The following GXYLT1 variants were observed in gnomAD, a reference collection of about 807,000 sequenced individuals.
GXYLT1 encodes the protein glycosyltransferase 8 domain containing 3.
A neutral mutation model predicts 54.0 loss-of-function variants in GXYLT1; 29 were observed. That is an observed-to-expected ratio of 0.54 (90% CI 0.40 to 0.73). The LOEUF is 0.73. Ranked by LOEUF, GXYLT1 falls within the 30% of genes least tolerant of loss-of-function variation. The pLI, the probability that GXYLT1 is intolerant of heterozygous loss-of-function variation, is 0.00. For missense variants in GXYLT1, 490 were observed against 553.4 expected, an observed-to-expected ratio of 0.89 and a Z score of 1.15; for synonymous variants, 176 against 204.1, an observed-to-expected ratio of 0.86 and a Z score of 1.17.
At chr12:42,137,993 C>T (rs578250757) in intron 1 of GXYLT1, among the ~76,000 whole-genome samples, 2 of 152,238 alleles carry the variant, frequency 1.3e-5, no homozygotes, top group South Asian at 2.1e-4. Context: ...CCAAGTCGGG[C>T]GCAGTGGCTC....
rs1222261180 is a variant in GXYLT1, at chr12:42,097,920, A to C, written c.978T>G (p.Phe326Leu). 1 of 1,587,282 alleles carries C rather than the reference A, an allele frequency of 6.3e-7. No homozygotes were observed. The highest frequency in any genetic ancestry group is 1.2e-5 in the South Asian group (1 of 86,504). The change falls in exon 6 of 8, where the codon TTT becomes TTG. Residue 326 changes from phenylalanine (F) to leucine (L), a missense_variant. Phe to Leu is a conservative substitution (Grantham distance 22, BLOSUM62 0). Coordinates refer to ENST00000398675, the MANE Select transcript of GXYLT1 (RefSeq NM_173601.2). ...AATTTAAATAATTACCTGGATTATG[A>C]AAAAACACGATATTCAATAGATCTT... is the stretch of plus-strand genomic sequence containing the variant. ...GDQDLLNIVF[F>L]HNPESLFVFP...
At chr12:42,089,477 AAAGT>A (rs1423357863) in intron 7 of GXYLT1, among the ~76,000 whole-genome samples, 1 of 152,202 alleles carries the variant, frequency 6.6e-6, no homozygotes, top group Non-Finnish European at 1.5e-5. Flanking sequence ...CCTAGAACTT[AAAGT>A]ATAATAAAAT....
intron 2 of GXYLT1, among the ~76,000 whole-genome samples, chr12:42,123,774 AAAT>A (rs1201136444): frequency 3.3e-5 from 5 of 152,124 alleles, no homozygotes; most frequent in African/African-American, 1.2e-4. Flanking sequence ...ATTAAATTTC[AAAT>A]AACCATCTAC....
Position 42,087,931 on chromosome 12 carries a change from T to G in GXYLT1, c.1178A>C (p.Asp393Ala). ...AGGTTTTAATAAGGAACGGATGTTG[T>G]CATCTTCAAAAGAACACTAGAGAAA... is the stretch of plus-strand genomic sequence containing the variant. ...EALRNCSFED[D>A]NIRSLLKPLE... Residue 393 changes from aspartate to alanine, a missense_variant, in exon 8 of 8, where the codon GAC becomes GCC. Around this residue, in one of 2 missense-constraint regions of GXYLT1, gnomAD observed 342 missense variants for 342.6 expected, o/e 1.00. Transcript: ENST00000398675. 1 of 1,534,976 alleles carries G rather than the reference T, an allele frequency of 6.5e-7. No individual in the cohort carries two copies. The highest frequency in any genetic ancestry group is 1.3e-5 in the South Asian group (1 of 79,982).
At chr12:42,136,571 T>G (rs936460906) in intron 1 of GXYLT1, among the ~76,000 whole-genome samples, 6 of 152,156 alleles carry the variant, frequency 3.9e-5, no homozygotes, top group African/African-American at 1.4e-4. Context: ...TAGCTCTAGG[T>G]AGCTTGTCTA....
chr12:42,083,076 A>G lies in GXYLT1; in HGVS notation c.*4710T>C, dbSNP rs1312578699. Reference sequence around the variant, plus strand: ...AGGTGATAATAAATATTTTCTATTTAAGTCTGACATTGATTTGCAATCCAT... The same window carrying G: ...AGGTGATAATAAATATTTTCTATTTGAGTCTGACATTGATTTGCAATCCAT... On this transcript the variant is annotated 3_prime_UTR_variant, in exon 8 of 8. Transcript: ENST00000398675. The G allele has an allele frequency of 1.3e-5, 2 of 152,222 alleles. No individual in the cohort carries two copies. Among genetic ancestry groups the G allele is most frequent in the African/African-American group, 4.8e-5 (2 of 41,458 alleles). The allele number at this position is 152,222 out of a possible 1,614,324, so 9.4% of individuals were successfully genotyped here.
At chr12:42,090,405 C>T (rs1197172793) in intron 7 of GXYLT1, among the ~76,000 whole-genome samples, 1 of 152,142 alleles carries the variant, frequency 6.6e-6, no homozygotes, top group Non-Finnish European at 1.5e-5. Context: ...ATATACTATG[C>T]CTGACTTATC....
chr12:42,097,835 A>C, intron 6 of GXYLT1, 75 bp downstream of exon 6: 2 of 1,146,814 alleles, frequency 1.7e-6, no homozygotes, highest in Middle Eastern at 2.0e-4. Flanking sequence ...GAATCAGATA[A>C]GTGCATGTTT....
chr12:42,120,756 G>C (rs527644861), intron 2 of GXYLT1, among the ~76,000 whole-genome samples: 4 of 152,016 alleles, frequency 2.6e-5, no homozygotes, highest in South Asian at 4.2e-4. Flanking sequence ...GGCTAGTCTC[G>C]AACTCCTGGC....
chr12:42,131,192 T>C (rs1210756907), intron 1 of GXYLT1, among the ~76,000 whole-genome samples: 2 of 152,196 alleles, frequency 1.3e-5, no homozygotes, highest in Admixed American at 6.5e-5. Flanking sequence ...TTCAAAATAA[T>C]AGTCTAAAAG....
rs566665250 is a variant in GXYLT1 at position 42,114,855 on chromosome 12, G to C, written c.486+4145C>G. Among the ~76,000 whole-genome samples the C allele has an allele frequency of 3.9e-3, 590 of 151,884 alleles. 10 individuals are homozygous for C. Among genetic ancestry groups the C allele is most frequent in the African/African-American group, 0.014 (574 of 41,526 alleles). On this transcript the variant is annotated intron_variant, in intron 3 of 7. Coordinates refer to ENST00000398675, the MANE Select transcript of GXYLT1 (RefSeq NM_173601.2). ...AAGAGAATTTTAGACCAATATCCTT[G>C]ATGAACATCGATGCAAAAATCCTCA...
chr12:42,118,261 C>T (rs768679549), intron 3 of GXYLT1, among the ~76,000 whole-genome samples: 21 of 152,270 alleles, frequency 1.4e-4, no homozygotes, highest in African/African-American at 4.8e-4. Context: ...ATCAAGAATT[C>T]TCTCCTCTCA....
chr12:42,087,723 A>C lies in GXYLT1; in HGVS notation c.*63T>G, dbSNP rs1437248980. ...CTTCCTGAATACTTCATCCAAGACG[A>C]TTCCTTCACACTTATCTTCTGATTC... is the stretch of plus-strand genomic sequence containing the variant. On this transcript the variant is annotated 3_prime_UTR_variant, in exon 8 of 8. Transcript: ENST00000398675. 1.7e-6 allele frequency: 2 copies of C among 1,210,384 alleles called. No homozygotes were observed. Among genetic ancestry groups the C allele is most frequent in the Non-Finnish European group, 2.3e-6 (2 of 867,956 alleles). The allele number at this position is 1,210,384 out of a possible 1,614,324, so 75.0% of individuals were successfully genotyped here. A position where few individuals can be genotyped will look rare whatever the true frequency, so the allele number is the denominator to read the frequency against.
chr12:42,138,490 A>G (rs751144899), intron 1 of GXYLT1, among the ~76,000 whole-genome samples: 2 of 151,912 alleles, frequency 1.3e-5, no homozygotes. Context: ...TACCTCCTCT[A>G]CCAGCCCCCA....
At chr12:42,090,176 T>C (rs1397738935) in intron 7 of GXYLT1, among the ~76,000 whole-genome samples, 1 of 152,122 alleles carries the variant, frequency 6.6e-6, no homozygotes, top group African/African-American at 2.4e-5. Context: ...TAGTTAGACC[T>C]CTTTCTGCCC....
At chr12:42,132,636 C>T (rs1027538904) in intron 1 of GXYLT1, among the ~76,000 whole-genome samples, 2 of 152,140 alleles carry the variant, frequency 1.3e-5, no homozygotes, top group South Asian at 2.1e-4. Flanking sequence ...ACTTGATCTT[C>T]GTTAGTCTCA....
At chr12:42,100,707 T>C (rs531947521) in intron 5 of GXYLT1, among the ~76,000 whole-genome samples, 4 of 152,138 alleles carry the variant, frequency 2.6e-5, no homozygotes, top group South Asian at 2.1e-4. Flanking sequence ...AGGAAACAAT[T>C]TGAAAAGATA....
At chr12:42,127,748 G>A (rs1238547528) in intron 2 of GXYLT1, among the ~76,000 whole-genome samples, 1 of 152,208 alleles carries the variant, frequency 6.6e-6, no homozygotes, top group Non-Finnish European at 1.5e-5. Context: ...GCAAGGCAAA[G>A]TGGTTCTTGT....
At chr12:42,132,314 G>A (rs977250506) in intron 1 of GXYLT1, among the ~76,000 whole-genome samples, 3 of 152,126 alleles carry the variant, frequency 2.0e-5, no homozygotes, top group Admixed American at 2.0e-4. Context: ...GAGAAACATT[G>A]TGTATCAAGG....
Sources: allele counts gnomAD v4.1 joint callset (sites outside exome capture counted in the v4.1 genomes callset), GRCh38; gene constraint gnomAD v4.1.1; regional missense constraint gnomAD v4.1.1; transcripts MANE v1.5; gene names NCBI Gene and HGNC (gene_info 2026-07-23, HGNC 2026-07-21).